The following ADAMTSL1 variants were observed in gnomAD, a reference collection of about 807,000 sequenced individuals.
The protein encoded by ADAMTSL1 is ADAMTS like 1, also known as ADAMTS-like protein 1.
ADAMTSL1 carries 126 observed loss-of-function variants against 201.8 expected under a neutral mutation model. The observed-to-expected ratio is 0.62, with a 90% confidence interval of 0.54 to 0.72. The LOEUF (loss-of-function observed/expected upper bound fraction) is 0.72, where lower values mean the gene tolerates loss of function less well. ADAMTSL1 is among the 30% of genes least tolerant of loss of function. The pLI is 0.00. For synonymous variants in ADAMTSL1, 1,121 were observed against 903.4 expected (o/e 1.24, Z -4.32); for missense variants, 2,679 against 2,277.8 (o/e 1.18, Z -3.59).
At chr9:18,201,403 C>G (rs1829439056) in intron 2 of ADAMTSL1, among the ~76,000 whole-genome samples, 1 of 152,048 alleles carries the variant, frequency 6.6e-6, no homozygotes, top group Non-Finnish European at 1.5e-5. Flanking sequence ...TCATTATTCA[C>G]TTATTTAGTT....
chr9:18,089,148 G>A (rs1823896330), intron 1 of ADAMTSL1, among the ~76,000 whole-genome samples: 1 of 152,000 alleles, frequency 6.6e-6, no homozygotes, highest in Non-Finnish European at 1.5e-5. Context: ...GCGAAACTCT[G>A]TCTCAAAAAA....
Position 18,777,261 on chromosome 9 carries a change from G to T in ADAMTSL1, c.3032G>T (p.Arg1011Leu). 6.2e-7 allele frequency: 1 copy of T among 1,611,034 alleles called. No homozygotes were observed. Residue 1011 changes from arginine to leucine, a missense_variant, in exon 19 of 29, where the codon CGG becomes CTG. Physicochemically the swap from Arg to Leu is moderately radical, Grantham distance 102. Transcript: ENST00000380548. ...TCCAACGGCAGCAAGGCGGAGAAGC[G>T]GGGCCTGGCCGCCAACCCGGGGAGC... ...IFSNGSKAEK[R>L]GLAANPGSRY... is the part of the protein sequence containing the mutation.
chr9:18,101,690 G>A (rs1214037875), intron 1 of ADAMTSL1, among the ~76,000 whole-genome samples: 2 of 152,152 alleles, frequency 1.3e-5, no homozygotes, highest in African/African-American at 4.8e-5. Flanking sequence ...AGGTCTAGGA[G>A]GTGAGAGATA....
At chr9:18,519,933 A>T (rs1818587445) in intron 2 of ADAMTSL1, among the ~76,000 whole-genome samples, 1 of 152,162 alleles carries the variant, frequency 6.6e-6, no homozygotes, top group Non-Finnish European at 1.5e-5. Context: ...TCATTTTCAT[A>T]ACTGCAGCCC....
chr9:17,953,797 T>C lies in ADAMTSL1; in HGVS notation c.87+46875T>C, dbSNP rs546220280. ...CGAACCACCCCAAAGCTTAGTGGTT[T>C]AAACAGCTAATTTTTTATGCTGTTG... On this transcript the variant is annotated intron_variant, in intron 1 of 29. Coordinates refer to the ADAMTSL1 transcript ENST00000680146. 2.6e-5 allele frequency among the ~76,000 whole-genome samples: 4 copies of C among 152,330 alleles called. No homozygotes were observed. In the East Asian group the frequency reaches 7.7e-4, roughly 29 times the overall value.
intron 23 of ADAMTSL1, among the ~76,000 whole-genome samples, chr9:18,851,589 A>T (rs548070241): frequency 2.0e-5 from 3 of 152,338 alleles, no homozygotes; most frequent in African/African-American, 7.2e-5. Flanking sequence ...CAAGCCAGCA[A>T]CTTAAGAGAT....
At chr9:18,373,049 T>A (rs1023541633) in intron 2 of ADAMTSL1, among the ~76,000 whole-genome samples, 5 of 152,182 alleles carry the variant, frequency 3.3e-5, no homozygotes, top group African/African-American at 9.7e-5. Flanking sequence ...CCTTAGGGAA[T>A]CCCTTACCTT....
Position 18,777,607 on chromosome 9 carries a change from G to T in ADAMTSL1, c.3378G>T (p.Arg1126Ser), listed in dbSNP as rs1821132783. 6.2e-7 allele frequency: 1 copy of T among 1,613,438 alleles called. No homozygotes were observed. Among genetic ancestry groups the T allele is most frequent in the Non-Finnish European group, 8.5e-7 (1 of 1,179,768 alleles). ...QDTLLKPSERRTSPVTLSPHK... is the reference protein window; with the variant it reads ...QDTLLKPSERSTSPVTLSPHK... Reference sequence around the variant, plus strand: ...CGCTCCTGAAGCCCTCGGAGCGCAGGACTTCCCCAGTGACTCTCTCGCCTC... The same window carrying T: ...CGCTCCTGAAGCCCTCGGAGCGCAGTACTTCCCCAGTGACTCTCTCGCCTC... Residue 1126 changes from arginine to serine, a missense_variant, in exon 19 of 29, where the codon AGG becomes AGT. By Grantham distance (110) the Arg-to-Ser change is moderately radical. Coordinates refer to ENST00000380548, the MANE Select transcript of ADAMTSL1 (RefSeq NM_001040272.6).
At chr9:18,707,124 G>T in intron 14 of ADAMTSL1, 76 bp downstream of exon 14, 1 of 1,508,046 alleles carries the variant, frequency 6.6e-7, no homozygotes, top group South Asian at 1.3e-5. Flanking sequence ...GCTGGATCAT[G>T]TGACTGCCTC....
chr9:17,966,803 T>C (rs1329912), intron 1 of ADAMTSL1, among the ~76,000 whole-genome samples: 120,519 of 151,936 alleles, frequency 0.79, 48,627 homozygotes, highest in East Asian at 0.94. Context: ...TTTAAGGATT[T>C]CCCTCCCCAA....
At chr9:18,569,053 G>C (rs1304297272) in intron 3 of ADAMTSL1, among the ~76,000 whole-genome samples, 2 of 152,048 alleles carry the variant, frequency 1.3e-5, no homozygotes, top group Admixed American at 6.6e-5. Context: ...CTTTTATATA[G>C]TGCCACCTTA....
At chr9:18,219,995 G>A (rs1830197281) in intron 2 of ADAMTSL1, among the ~76,000 whole-genome samples, 1 of 151,772 alleles carries the variant, frequency 6.6e-6, no homozygotes, top group Non-Finnish European at 1.5e-5. Flanking sequence ...TTTTATAATT[G>A]ATTATTTTTT....
intron 5 of ADAMTSL1, among the ~76,000 whole-genome samples, chr9:18,630,384 G>A (rs1285153746): frequency 6.6e-6 from 1 of 152,162 alleles, no homozygotes. Context: ...TCACACTTAT[G>A]TATTGATTAG....
chr9:18,337,196 C>T (rs1036750233), intron 2 of ADAMTSL1, among the ~76,000 whole-genome samples: 14 of 152,086 alleles, frequency 9.2e-5, no homozygotes, highest in Non-Finnish European at 1.8e-4. Context: ...CGTGGAAGGA[C>T]CAGACTGGCT....
At chr9:18,814,955 A>T (rs1823739381) in intron 20 of ADAMTSL1, among the ~76,000 whole-genome samples, 2 of 152,198 alleles carry the variant, frequency 1.3e-5, no homozygotes. Flanking sequence ...CATATGAAAA[A>T]ATGCTCAACA....
chr9:18,707,510 G>T (rs1236724581), intron 14 of ADAMTSL1, among the ~76,000 whole-genome samples: 1 of 152,168 alleles, frequency 6.6e-6, no homozygotes, highest in Non-Finnish European at 1.5e-5. Context: ...GTGTCTAAAA[G>T]GTAATTGATA....
intron 5 of ADAMTSL1, among the ~76,000 whole-genome samples, chr9:18,623,550 G>A (rs1411873763): frequency 6.6e-6 from 1 of 152,120 alleles, no homozygotes; most frequent in Non-Finnish European, 1.5e-5. Flanking sequence ...ATCAAGGGAA[G>A]GTGCCTCAGA....
At chr9:18,159,253 T>G (rs960264435) in intron 1 of ADAMTSL1, among the ~76,000 whole-genome samples, 1 of 151,896 alleles carries the variant, frequency 6.6e-6, no homozygotes, top group Non-Finnish European at 1.5e-5. Flanking sequence ...AGGAAAAAAA[T>G]TTTTAACCGT....
rs768753393 is a variant in ADAMTSL1 at position 17,983,064 on chromosome 9, CTTTCTTTCTTTCTTT to C, written c.87+76146_87+76160del. Among the ~76,000 whole-genome samples the C allele has an allele frequency of 6.8e-5, 6 of 88,588 alleles. 2 individuals are homozygous for C. Among genetic ancestry groups the C allele is most frequent in the African/African-American group, 2.2e-4 (5 of 23,228 alleles). The allele number at this position is 88,588 out of a possible 152,430, so 58.1% of individuals were successfully genotyped here. A position where few individuals can be genotyped will look rare whatever the true frequency, so the allele number is the denominator to read the frequency against. On this transcript the variant is annotated intron_variant, in intron 1 of 29. Coordinates refer to the ADAMTSL1 transcript ENST00000680146. Reference sequence around the variant, plus strand: ...TTTTCATTTTCTTTTTCTTTTCTTTCTTTCTTTCTTTCTTTTTTTTTTTTGAGACTGAATCTTGCT... The same window carrying C: ...TTTTCATTTTCTTTTTCTTTTCTTTCTTTTTTTTTGAGACTGAATCTTGCT...
Sources: allele counts gnomAD v4.1 joint callset (sites outside exome capture counted in the v4.1 genomes callset), GRCh38; gene constraint gnomAD v4.1.1; transcripts MANE v1.5; gene names NCBI Gene and HGNC (gene_info 2026-07-23, HGNC 2026-07-21).